SIN3A: variants seen among roughly 807,000 people sequenced by gnomAD.
The protein encoded by SIN3A is paired amphipathic helix protein Sin3a.
Under a neutral mutation model 146.1 loss-of-function variants are expected in SIN3A, and 14 were observed. The ratio of observed to expected loss-of-function variants is 0.10; its 90% CI spans 0.06 to 0.15. The LOEUF (loss-of-function observed/expected upper bound fraction) is 0.15, where lower values mean the gene tolerates loss of function less well. Among genes scored for constraint, SIN3A ranks in the 10% least tolerant of loss-of-function variants. The pLI, the probability that SIN3A is intolerant of heterozygous loss-of-function variation, is 1.00. For missense variants in SIN3A, 1,028 were observed against 1,576.0 expected (o/e 0.65, Z 5.89); for synonymous variants, 572 against 572.0 (o/e 1.00, Z 0.00).
intron 17 of SIN3A, among the ~76,000 whole-genome samples, chr15:75,382,916 C>G (rs12901495): frequency 6.6e-6 from 1 of 152,152 alleles, no homozygotes; most frequent in Non-Finnish European, 1.5e-5. Context: ...AACCCTGTCT[C>G]TACTAAACAC....
chr15:75,380,524 C>A (rs1288609193), intron 19 of SIN3A, 105 bp downstream of exon 19: 2 of 855,122 alleles, frequency 2.3e-6, no homozygotes, highest in Admixed American at 1.9e-5. Context: ...GCAGATAGAA[C>A]AAATGAATAA....
At chr15:75,374,448 G>C (rs1266465304) in intron 20 of SIN3A, among the ~76,000 whole-genome samples, 1 of 152,188 alleles carries the variant, frequency 6.6e-6, no homozygotes, top group Non-Finnish European at 1.5e-5. Context: ...CTAGTAGTAC[G>C]GGTGGCCCCC....
chr15:75,399,998 T>C, intron 12 of SIN3A, 42 bp downstream of exon 12: 2 of 1,066,160 alleles, frequency 1.9e-6, no homozygotes, highest in South Asian at 1.3e-5. Context: ...TCACTGAGCA[T>C]CTCCCATTTC....
At chr15:75,422,905 C>T in intron 2 of SIN3A, 82 bp from the exon 3 acceptor site, 1 of 1,411,858 alleles carries the variant, frequency 7.1e-7, no homozygotes, top group South Asian at 1.3e-5. Flanking sequence ...AACACAAATG[C>T]ACAAAGATAA....
intron 1 of SIN3A, among the ~76,000 whole-genome samples, chr15:75,444,971 T>TGTA (rs2074279377): frequency 6.6e-6 from 1 of 151,456 alleles, no homozygotes; most frequent in Non-Finnish European, 1.5e-5. Context: ...GGCTAACACC[T>TGTA]GTAATCTCAG....
chr15:75,389,941 AAAATATACTCACTCATTCCAATGT>A, intron 15 of SIN3A, 120 bp from the exon 16 acceptor site: 1 of 846,746 alleles, frequency 1.2e-6, no homozygotes, highest in South Asian at 1.6e-5. Flanking sequence ...CTAGGTATTC[AAAATATACTCACTCATTCCAATGT>A]AAACAGAGAT....
At chr15:75,386,862 G>A (rs1211261711) in intron 16 of SIN3A, among the ~76,000 whole-genome samples, 8 of 152,250 alleles carry the variant, frequency 5.3e-5, no homozygotes, top group Non-Finnish European at 4.4e-5. Context: ...CTGGAATGCA[G>A]TGGTGCAATC....
chr15:75,392,134 G>A (rs1227202086), intron 15 of SIN3A, 108 bp downstream of exon 15: 23 of 983,870 alleles, frequency 2.3e-5, no homozygotes, highest in Non-Finnish European at 3.5e-5. Context: ...TAACTACACA[G>A]ACTCTAATGC....
chr15:75,394,917 A>G, intron 13 of SIN3A, 54 bp from the exon 14 acceptor site: 1 of 1,529,694 alleles, frequency 6.5e-7, no homozygotes, highest in South Asian at 1.3e-5. Flanking sequence ...AGGGTTTAGA[A>G]GAAAGAAATT....
At chr15:75,446,606 C>T (rs948814826) in intron 1 of SIN3A, among the ~76,000 whole-genome samples, 1 of 151,786 alleles carries the variant, frequency 6.6e-6, no homozygotes, top group African/African-American at 2.4e-5. Context: ...ATCCTCCTGC[C>T]TCAGCCTCTC....
upstream of SIN3A, chr15:75,453,670 G>T (rs1555451456): frequency 6.6e-6 from 1 of 152,318 alleles, no homozygotes; most frequent in Non-Finnish European, 1.5e-5. Context: ...GGAAAGAACA[G>T]ACACTTGCAG....
intron 2 of SIN3A, among the ~76,000 whole-genome samples, chr15:75,425,693 T>C (rs28379811): frequency 4.4e-4 from 67 of 152,180 alleles, no homozygotes; most frequent in African/African-American, 1.5e-3. Flanking sequence ...TTCAGAACTT[T>C]TTTCCTTTTT....
At chr15:75,389,591 T>C (rs1308202782) in intron 16 of SIN3A, 61 bp downstream of exon 16, 4 of 1,547,382 alleles carry the variant, frequency 2.6e-6, no homozygotes, top group East Asian at 4.5e-5. Context: ...TTTCCTTGCG[T>C]GGCCCATCTC....
Position 75,433,638 on chromosome 15 carries a change from G to A in SIN3A, c.-33-3230C>T, listed in dbSNP as rs190633858. 1.4e-3 allele frequency among the ~76,000 whole-genome samples: 217 copies of A among 151,866 alleles called. 1 individual carries two copies. Among genetic ancestry groups the A allele is most frequent in the African/African-American group, 5.0e-3 (205 of 41,372 alleles). On this transcript the variant is annotated intron_variant, in intron 1 of 20. Transcript: ENST00000394947. The stretch of plus-strand genomic sequence containing the variant: ...ATCCTGGCTAACATGGTGAAACCCC[G>A]TCTCTACTAAAAATACAAAAAATTA...
At chr15:75,384,491 A>G in intron 16 of SIN3A, 54 bp from the exon 17 acceptor site, 1 of 1,175,756 alleles carries the variant, frequency 8.5e-7, no homozygotes, top group Non-Finnish European at 1.1e-6. Flanking sequence ...TTTCTCCATT[A>G]TACAGTCAAC....
chr15:75,416,060 G>A lies in SIN3A; in HGVS notation c.367-1749C>T, dbSNP rs2073729997. On this transcript the variant is annotated intron_variant, in intron 3 of 20. Transcript: ENST00000394947. Reference sequence around the variant, plus strand: ...TGGTAACTGTGTACTTCTGGTGACTGTAAAGTTTGAACTATAAAGTTATGA... The same window carrying A: ...TGGTAACTGTGTACTTCTGGTGACTATAAAGTTTGAACTATAAAGTTATGA... 3 of 268,118 alleles carry A rather than the reference G, an allele frequency of 1.1e-5. No individual in the cohort carries two copies. The South Asian group carries it at 1.5e-4, about 13-fold the overall frequency. The allele number at this position is 268,118 out of a possible 1,614,324, so 16.6% of individuals were successfully genotyped here. A position where few individuals can be genotyped will look rare whatever the true frequency, so the allele number is the denominator to read the frequency against.
In SIN3A at chr15:75,400,929, T is replaced by C; in HGVS notation, c.1538A>G (p.Glu513Gly). 6.2e-7 allele frequency: 1 copy of C among 1,612,542 alleles called. No individual in the cohort carries two copies. The highest frequency in any genetic ancestry group is 8.5e-7 in the Non-Finnish European group (1 of 1,179,532). The change falls in exon 11 of 21, where the codon GAG becomes GGG. Residue 513 changes from glutamate (E) to glycine (G), a missense_variant. Glu to Gly is a moderately conservative substitution (Grantham distance 98, BLOSUM62 -2). Around this residue, in one of 9 missense-constraint regions of SIN3A, gnomAD observed 157 missense variants for 284.8 expected, o/e 0.55. Transcript: ENST00000394947. ...AAAGTTTTTAAACCAATTAAACAAC[T>C]CAGGGAATTTCCTGAAGAATCAAAC... ...LVSPFLGKFP[E>G]LFNWFKNFLG... is the part of the protein sequence containing the mutation.
intron 1 of SIN3A, among the ~76,000 whole-genome samples, chr15:75,448,635 AAAGT>A (rs2074349130): frequency 6.6e-6 from 1 of 152,234 alleles, no homozygotes; most frequent in Admixed American, 6.5e-5. Context: ...AGGCCTACAG[AAAGT>A]AAAGCTTAAC....
chr15:75,382,933 C>CA (rs1567319148), intron 17 of SIN3A, among the ~76,000 whole-genome samples: 64 of 151,638 alleles, frequency 4.2e-4, no homozygotes, highest in African/African-American at 1.1e-3. Flanking sequence ...ACACACACAC[C>CA]CACACAAGCT....
Sources: gnomAD v4.1 joint callset for allele counts (sites outside exome capture counted in the v4.1 genomes callset) on GRCh38, gnomAD v4.1.1 for gene constraint, gnomAD v4.1.1 regional missense constraint, MANE v1.5 for transcripts, NCBI Gene and HGNC (gene_info 2026-07-23, HGNC 2026-07-21) for gene names.